SLFN12L: variants seen among roughly 807,000 people sequenced by gnomAD.
SLFN12L encodes schlafen family member 12-like.
SLFN12L carries 34 observed loss-of-function variants against 34.8 expected under a neutral mutation model. That is an observed-to-expected ratio of 0.98 (90% confidence interval 0.74 to 1.30). The LOEUF is 1.30. Among genes scored for constraint, SLFN12L ranks in the 50% most tolerant of loss-of-function variants. The pLI is 0.00. For synonymous variants in SLFN12L, 259 were observed against 247.5 expected (o/e 1.05, Z -0.44); for missense variants, 703 against 696.2 (o/e 1.01, Z -0.11).
rs141257359 is a variant in SLFN12L at position 35,523,663 on chromosome 17, C to A, written c.-605-694G>T. Among the ~76,000 whole-genome samples the A allele has an allele frequency of 4.1e-3, 627 of 152,252 alleles. 5 individuals carry two copies. The highest frequency in any genetic ancestry group is 0.015 in the African/African-American group (604 of 41,548). ...TTATAAACTTATTTTAGGCTGGGTG[C>A]GGTGGCTCACTCCTGTAATCCTAGC... On this transcript the variant is annotated intron_variant, in intron 1 of 4. Coordinates refer to ENST00000628453, the MANE Select transcript of SLFN12L (RefSeq NM_001363830.2).
chr17:35,490,584 G>A, intron 2 of SLFN12L: 1 of 822,850 alleles, frequency 1.2e-6, no homozygotes, highest in Non-Finnish European at 2.1e-6. Context: ...TGCTGACCCA[G>A]TGTCAAGGCC....
At chr17:35,517,016 G>A (rs889337560) in intron 2 of SLFN12L, among the ~76,000 whole-genome samples, 2 of 152,154 alleles carry the variant, frequency 1.3e-5, no homozygotes, top group Non-Finnish European at 2.9e-5. Flanking sequence ...CACATAGCAA[G>A]CACTAATTTT....
chr17:35,490,705 T>C (rs1914804401), intron 2 of SLFN12L: 1 of 1,284,236 alleles, frequency 7.8e-7, no homozygotes, highest in Non-Finnish European at 1.1e-6. Context: ...TCGTCAAAGG[T>C]TAGCTTACGT....
chr17:35,473,629 C>T lies in SLFN12L; in HGVS notation c.*1294G>A, dbSNP rs1913844750. On this transcript the variant is annotated 3_prime_UTR_variant, in exon 5 of 5. Coordinates refer to ENST00000628453, the MANE Select transcript of SLFN12L (RefSeq NM_001363830.2). ...TGAAGTTTTCCTTTTTTTATTGTGT[C>T]CCTACCAGGTTTTGGTATCAGGATG... 1 of 152,046 alleles carries T rather than the reference C, an allele frequency of 6.6e-6. No individual in the cohort carries two copies. Among genetic ancestry groups the T allele is most frequent in the South Asian group, 2.1e-4 (1 of 4,822 alleles). 9.4% of individuals were successfully genotyped at this position (152,046 alleles called of 1,614,324 possible).
In SLFN12L at chr17:35,480,151, T is replaced by C. The variant is rs1423277329; in HGVS notation, c.131A>G (p.Asn44Ser). 2 of 1,605,408 alleles carry C rather than the reference T, an allele frequency of 1.2e-6. No individual in the cohort carries two copies. Among genetic ancestry groups the C allele is most frequent in the Middle Eastern group, 1.7e-4 (1 of 6,014 alleles). The change falls in exon 3 of 5, where the codon AAC (asparagine) becomes AGC (serine). Residue 44 changes from asparagine (N) to serine (S), a missense_variant. Coordinates refer to ENST00000628453, the MANE Select transcript of SLFN12L (RefSeq NM_001363830.2). ...GTTTGTGTCTAAATCAATACTGATG[T>C]TCATTTTCCCAGCAGCTAAGCCATT... ...RGNGLAAGKM[N>S]ISIDLDTNYA...
At chr17:35,484,832 G>A (rs151235936) in intron 2 of SLFN12L, among the ~76,000 whole-genome samples, 1 of 152,200 alleles carries the variant, frequency 6.6e-6, no homozygotes, top group African/African-American at 2.4e-5. Context: ...AAATTTACTC[G>A]GGTAGAATTT....
chr17:35,479,190 C>A lies in SLFN12L; in HGVS notation c.1092G>T (p.Trp364Cys). ...CAVFAKKPDS[W>C]HVKDNRVKQL... ...GCTTAACTCTGTTATCTTTCACGTG[C>A]CAGGAATCAGGCTTTTTAGCAAACA... Residue 364 changes from tryptophan to cysteine, a missense_variant, in exon 3 of 5, where the codon TGG becomes TGT. Trp to Cys is a radical substitution (Grantham distance 215). Transcript: ENST00000628453. 6.3e-7 allele frequency: 1 copy of A among 1,579,890 alleles called. No homozygotes were observed. Among genetic ancestry groups the A allele is most frequent in the Non-Finnish European group, 8.6e-7 (1 of 1,161,284 alleles).
At chr17:35,482,712 G>T (rs1914395452) in intron 2 of SLFN12L, among the ~76,000 whole-genome samples, 1 of 152,152 alleles carries the variant, frequency 6.6e-6, no homozygotes, top group South Asian at 2.1e-4. Context: ...GGGAGCAAAG[G>T]CTGGCCAAAC....
chr17:35,485,828 G>A (rs900838661), intron 2 of SLFN12L, among the ~76,000 whole-genome samples: 16 of 151,976 alleles, frequency 1.1e-4, no homozygotes, highest in African/African-American at 3.9e-4. Flanking sequence ...TTATTTCAGG[G>A]GTCTTTATTC....
intron 2 of SLFN12L, among the ~76,000 whole-genome samples, chr17:35,507,075 C>T (rs556746895): frequency 6.6e-5 from 10 of 152,188 alleles, no homozygotes; most frequent in Non-Finnish European, 1.2e-4. Flanking sequence ...CTGGATTATA[C>T]TGGATATGTG....
intron 2 of SLFN12L, among the ~76,000 whole-genome samples, chr17:35,497,884 A>G (rs11080351): frequency 0.15 from 22,096 of 152,180 alleles, 2,049 homozygotes; most frequent in South Asian, 0.29. Context: ...GAAAAGTCTT[A>G]GTAAGGAAAG....
intron 2 of SLFN12L, among the ~76,000 whole-genome samples, chr17:35,506,258 T>C (rs1402842082): frequency 6.6e-6 from 1 of 152,178 alleles, no homozygotes; most frequent in African/African-American, 2.4e-5. Context: ...GTTAGAAACA[T>C]GATGTGGTTC....
chr17:35,530,163 T>G (rs1038283115), intron 1 of SLFN12L, among the ~76,000 whole-genome samples: 5 of 140,668 alleles, frequency 3.6e-5, no homozygotes, highest in Non-Finnish European at 6.1e-5. Context: ...CTGGCCAACA[T>G]GGTGAAACCC....
At chr17:35,497,765 C>T (rs1466805749) in intron 2 of SLFN12L, among the ~76,000 whole-genome samples, 2 of 152,178 alleles carry the variant, frequency 1.3e-5, no homozygotes, top group African/African-American at 4.8e-5. Context: ...ATTGTGTAAA[C>T]CTTGAATTCA....
chr17:35,490,062 G>GCGGCGC (rs1914770101), intron 2 of SLFN12L: 1 of 1,606,140 alleles, frequency 6.2e-7, no homozygotes, highest in Non-Finnish European at 8.5e-7. Context: ...TCCCTCCAAA[G>GCGGCGC]CGGCGCCGTA....
Position 35,469,803 on chromosome 17 carries a change from C to A in SLFN12L, c.*5120G>T, listed in dbSNP as rs1913776212. On this transcript the variant is annotated 3_prime_UTR_variant, in exon 5 of 5. Transcript: ENST00000628453. ...TCCCTACCCTACATAAACCCAGGGC[C>A]ATGTAACAGACAACTGGGGACCGTC... Among the ~76,000 whole-genome samples, 1 of 152,160 alleles carries A rather than the reference C, an allele frequency of 6.6e-6. No individual in the cohort carries two copies. The highest frequency in any genetic ancestry group is 6.5e-5 in the Admixed American group (1 of 15,280).
chr17:35,489,394 A>C (rs1268374440), intron 2 of SLFN12L, among the ~76,000 whole-genome samples: 3 of 151,868 alleles, frequency 2.0e-5, no homozygotes, highest in Non-Finnish European at 4.4e-5. Flanking sequence ...TCTACAAATA[A>C]TTTTTTAAAA....
chr17:35,490,274 A>C, intron 2 of SLFN12L: 1 of 1,509,974 alleles, frequency 6.6e-7, no homozygotes, highest in Non-Finnish European at 9.2e-7. Context: ...TGGTTCAAAA[A>C]CCCCCAAGGG....
At chr17:35,533,342 T>C (rs1043621214) in intron 1 of SLFN12L, among the ~76,000 whole-genome samples, 3 of 152,378 alleles carry the variant, frequency 2.0e-5, no homozygotes, top group South Asian at 2.1e-4. Context: ...CAAATATTTA[T>C]TGGAAATCTA....
Sources: allele counts gnomAD v4.1 joint callset (sites outside exome capture counted in the v4.1 genomes callset), GRCh38; gene constraint gnomAD v4.1.1; transcripts MANE v1.5; gene names NCBI Gene and HGNC (gene_info 2026-07-23, HGNC 2026-07-21).